Variants in RYK observed in about 807,000 individuals in gnomAD.
The protein encoded by RYK is inactive tyrosine-protein kinase RYK.
A neutral mutation model predicts 70.2 loss-of-function variants in RYK; 21 were observed. The observed-to-expected ratio is 0.30, with a 90% CI of 0.21 to 0.43. RYK has a LOEUF of 0.43. Ranked by LOEUF, RYK falls within the 20% of genes least tolerant of loss-of-function variation. The pLI, the probability that RYK is intolerant of heterozygous loss-of-function variation, is 1.00. For synonymous variants in RYK, 267 were observed against 278.0 expected (o/e 0.96, Z 0.39); for missense variants, 604 against 753.3 (o/e 0.80, Z 2.32).
intron 13 of RYK, among the ~76,000 whole-genome samples, chr3:134,171,505 C>CA (rs1008114552): frequency 6.6e-6 from 1 of 152,012 alleles, no homozygotes; most frequent in African/African-American, 2.4e-5. Context: ...ATAAATGTTA[C>CA]AAAAAAATAA....
At chr3:134,225,244 C>T (rs376792283) in intron 1 of RYK, among the ~76,000 whole-genome samples, 4 of 152,040 alleles carry the variant, frequency 2.6e-5, no homozygotes, top group African/African-American at 7.2e-5. Context: ...TTTTTTCTTA[C>T]GTCTGGGTCT....
At chr3:134,168,253 C>T (rs2012757522) in intron 13 of RYK, among the ~76,000 whole-genome samples, 1 of 152,158 alleles carries the variant, frequency 6.6e-6, no homozygotes, top group South Asian at 2.1e-4. Flanking sequence ...CCATTTGACC[C>T]AGCCATCCCA....
chr3:134,200,249 C>A (rs996092473), intron 6 of RYK, among the ~76,000 whole-genome samples: 3 of 152,130 alleles, frequency 2.0e-5, no homozygotes, highest in African/African-American at 7.2e-5. Flanking sequence ...AGCTGTAACA[C>A]TGCGAAGGTC....
chr3:134,196,697 G>C (rs771803396), intron 6 of RYK, among the ~76,000 whole-genome samples: 1 of 151,476 alleles, frequency 6.6e-6, no homozygotes, highest in Non-Finnish European at 1.5e-5. Context: ...ACACAAATCT[G>C]AAAAATGTAA....
At chr3:134,193,714 T>G (rs1427481132) in intron 7 of RYK, among the ~76,000 whole-genome samples, 1 of 152,222 alleles carries the variant, frequency 6.6e-6, no homozygotes, top group African/African-American at 2.4e-5. Context: ...GCTATTATTA[T>G]TTCCCTTAAA....
chr3:134,240,591 T>A (rs914277741), intron 1 of RYK, among the ~76,000 whole-genome samples: 1 of 152,160 alleles, frequency 6.6e-6, no homozygotes, highest in Admixed American at 6.5e-5. Flanking sequence ...TCTTAATATA[T>A]GCAAATTTTC....
intron 6 of RYK, among the ~76,000 whole-genome samples, chr3:134,200,494 G>A (rs1340445836): frequency 1.3e-5 from 2 of 152,202 alleles, no homozygotes; most frequent in African/African-American, 4.8e-5. Context: ...CACCGCGAGA[G>A]TCCGCGGCTT....
At chr3:134,164,518 A>G (rs1382958869) in intron 13 of RYK, among the ~76,000 whole-genome samples, 1 of 152,212 alleles carries the variant, frequency 6.6e-6, no homozygotes, top group East Asian at 1.9e-4. Flanking sequence ...TTCAAGCTGT[A>G]TACTGTTTTC....
In RYK at chr3:134,202,860, C is replaced by T; in HGVS notation, c.658G>A (p.Ala220Thr). The T allele has an allele frequency of 6.2e-7, 1 of 1,613,320 alleles. No individual in the cohort carries two copies. Among genetic ancestry groups the T allele is most frequent in the Middle Eastern group, 1.7e-4 (1 of 6,048 alleles). The change falls in exon 6 of 15, where the codon GCA becomes ACA. Residue 220 changes from alanine to threonine, a missense_variant. Transcript: ENST00000623711. ...TSRTIYDPVH[A>T]APTTSTRVFY... ...ACACGCGTAGAAGTGGTTGGAGCTG[C>T]ATGTACAGGATCATCTGAAATAAAA... is the stretch of plus-strand genomic sequence containing the variant.
intron 13 of RYK, among the ~76,000 whole-genome samples, chr3:134,172,631 T>A (rs1001733570): frequency 6.6e-5 from 10 of 152,208 alleles, no homozygotes; most frequent in African/African-American, 2.4e-4. Flanking sequence ...ACCAAAAATG[T>A]AACCTTTCTC....
At chr3:134,235,764 G>C (rs1286025390) in intron 1 of RYK, among the ~76,000 whole-genome samples, 1 of 152,116 alleles carries the variant, frequency 6.6e-6, no homozygotes, top group Non-Finnish European at 1.5e-5. Flanking sequence ...GCATCACAGA[G>C]GTTAAGTGAG....
intron 1 of RYK, among the ~76,000 whole-genome samples, chr3:134,242,395 T>G (rs1175646229): frequency 6.6e-6 from 1 of 152,172 alleles, no homozygotes; most frequent in African/African-American, 2.4e-5. Context: ...CAACAACTGT[T>G]TATTATGTAA....
Position 134,218,650 on chromosome 3 carries a change from G to A in RYK, c.354+3768C>T, listed in dbSNP as rs567994759. Among the ~76,000 whole-genome samples, 280 of 152,262 alleles carry A rather than the reference G, an allele frequency of 1.8e-3. 4 individuals are homozygous for A. The highest frequency in any genetic ancestry group is 4.0e-4 in the Non-Finnish European group (27 of 68,018). ...TGACACTAAATGACTGGCTAGATAG[G>A]AGGCAGAAAAGAAAGGCCGAGACCA... On this transcript the variant is annotated intron_variant, in intron 2 of 14. Transcript: ENST00000623711.
intron 8 of RYK, among the ~76,000 whole-genome samples, chr3:134,191,405 C>T (rs2013636701): frequency 6.6e-6 from 1 of 152,144 alleles, no homozygotes; most frequent in African/African-American, 2.4e-5. Flanking sequence ...GAAGACATTA[C>T]GTGATTTCTC....
intron 2 of RYK, among the ~76,000 whole-genome samples, chr3:134,212,707 A>C (rs1179070613): frequency 1.3e-5 from 2 of 152,222 alleles, no homozygotes; most frequent in Non-Finnish European, 2.9e-5. Flanking sequence ...GAAATGGTAC[A>C]TAATAAAGAT....
chr3:134,184,576 TACA>T (rs772005166), intron 9 of RYK, among the ~76,000 whole-genome samples: 144 of 152,206 alleles, frequency 9.5e-4, no homozygotes, highest in Non-Finnish European at 1.8e-3. Context: ...GCCTGAGCAA[TACA>T]ACAAGACCCC....
chr3:134,210,693 A>T (rs552695166), intron 3 of RYK, among the ~76,000 whole-genome samples: 3 of 152,350 alleles, frequency 2.0e-5, no homozygotes, highest in Admixed American at 1.3e-4. Context: ...AAAAGCAGTT[A>T]AATTGGTGTA....
At chr3:134,177,077 A>C (rs1430334861) in intron 11 of RYK, among the ~76,000 whole-genome samples, 1 of 344 alleles carries the variant, frequency 2.9e-3, no homozygotes, top group East Asian at 0.5. Flanking sequence ...AAAACAAACA[A>C]AAAAAAACCA....
chr3:134,203,132 G>C (rs2014080756), intron 5 of RYK, among the ~76,000 whole-genome samples: 1 of 152,142 alleles, frequency 6.6e-6, no homozygotes, highest in Non-Finnish European at 1.5e-5. Context: ...GGATCACCTT[G>C]AGGTCAGGAG....
Sources: allele counts gnomAD v4.1 joint callset (sites outside exome capture counted in the v4.1 genomes callset), GRCh38; gene constraint gnomAD v4.1.1; transcripts MANE v1.5; gene names NCBI Gene and HGNC (gene_info 2026-07-23, HGNC 2026-07-21).